Variants in PRKDC observed in about 807,000 individuals in gnomAD.
PRKDC encodes DNA-dependent protein kinase catalytic subunit.
PRKDC carries 82 observed loss-of-function variants against 486.9 expected under a neutral mutation model. That is an observed-to-expected ratio of 0.17 (90% CI 0.14 to 0.20). The LOEUF (loss-of-function observed/expected upper bound fraction) is 0.20. Ranked by LOEUF, PRKDC falls within the 10% of genes least tolerant of loss-of-function variation. PRKDC has a pLI of 1.00. For synonymous variants in PRKDC, 1,895 were observed against 1,837.0 expected (o/e 1.03, Z -0.81); for missense variants, 4,504 against 5,038.2 (o/e 0.89, Z 3.21).
chr8:47,812,065 AT>A (rs1248774884), intron 68 of PRKDC, among the ~76,000 whole-genome samples: 1 of 152,234 alleles, frequency 6.6e-6, no homozygotes, highest in Non-Finnish European at 1.5e-5. Context: ...TTAATGTATA[AT>A]AAAAATAATT....
Position 47,854,158 on chromosome 8 carries a change from C to T in PRKDC, c.6818G>A (p.Gly2273Glu). Residue 2273 changes from glycine (G) to glutamate (E), a missense_variant, in exon 51 of 86, where the codon GGG becomes GAG. Coordinates refer to ENST00000314191, the MANE Select transcript of PRKDC (RefSeq NM_006904.7). Reference sequence around the variant, plus strand: ...CATCACGATGCCTAGCAATTGAATCCCTACTGAGTTGTCTTTAGAATTAGG... The same window carrying T: ...CATCACGATGCCTAGCAATTGAATCTCTACTGAGTTGTCTTTAGAATTAGG... ...KDPNSKDNSVGIQLLGIVMAN... is the reference protein window; with the variant it reads ...KDPNSKDNSVEIQLLGIVMAN... 1 of 1,613,600 alleles carries T rather than the reference C, an allele frequency of 6.2e-7. No homozygotes were observed. Among genetic ancestry groups the T allele is most frequent in the South Asian group, 1.1e-5 (1 of 91,076 alleles).
Position 47,929,310 on chromosome 8 carries a change from C to T in PRKDC, c.2053-132G>A. 9 of 675,852 alleles carry T rather than the reference C, an allele frequency of 1.3e-5. No individual in the cohort carries two copies. The South Asian group carries it at 1.6e-4, about 12-fold the overall frequency. 41.9% of individuals were successfully genotyped at this position (675,852 alleles called of 1,614,324 possible). A position where few individuals can be genotyped will look rare whatever the true frequency, so the allele number is the denominator to read the frequency against. ...ACCAACATCTAATGAAGACAGGAGGCAGAATCAGCTCTGCAGACATTTCAA... is the reference window on the plus strand; with the variant it reads ...ACCAACATCTAATGAAGACAGGAGGTAGAATCAGCTCTGCAGACATTTCAA... On this transcript the variant is annotated intron_variant, in intron 18 of 85. Transcript: ENST00000314191.
chr8:47,931,448 A>C (rs2090250600), intron 16 of PRKDC, among the ~76,000 whole-genome samples: 1 of 152,088 alleles, frequency 6.6e-6, no homozygotes, highest in African/African-American at 2.4e-5. Flanking sequence ...CATGTTCTAA[A>C]ATGCAGGTCT....
At chr8:47,956,466 G>T (rs919802396) in intron 3 of PRKDC, among the ~76,000 whole-genome samples, 2 of 151,660 alleles carry the variant, frequency 1.3e-5, no homozygotes, top group African/African-American at 4.9e-5. Flanking sequence ...AGGCGGAGAC[G>T]GGAAGATCAC....
chr8:47,839,182 T>A lies in PRKDC; in HGVS notation c.7519A>T (p.Ile2507Phe). The change falls in exon 56 of 86, where the codon ATT (isoleucine) becomes TTT (phenylalanine). Residue 2507 changes from isoleucine (I) to phenylalanine (F), a missense_variant. Physicochemically the swap from Ile to Phe is conservative, Grantham distance 21 (BLOSUM62 0). Coordinates refer to ENST00000314191, the MANE Select transcript of PRKDC (RefSeq NM_006904.7). ...EIFKLAKDVL[I>F]QGLIDENPGL... ...GGGTTCTCATCGATCAATCCTTGAA[T>A]CAGCACATCTTTTGCCAACTTAAAT... is the stretch of plus-strand genomic sequence containing the variant. 6.2e-7 allele frequency: 1 copy of A among 1,613,872 alleles called. No homozygotes were observed. Among genetic ancestry groups the A allele is most frequent in the Non-Finnish European group, 8.5e-7 (1 of 1,179,784 alleles).
In PRKDC at chr8:47,902,738, G is replaced by T; in HGVS notation, c.3100C>A (p.Arg1034=). ...TLRDFCGRCI[R]EFLKWSIKQI... is the part of the protein sequence containing the mutation. Reference sequence around the variant, plus strand: ...TTAATGGACCATTTAAGGAATTCTCGAATACACCGACCACAAAAATCTCTT... The same window carrying T: ...TTAATGGACCATTTAAGGAATTCTCTAATACACCGACCACAAAAATCTCTT... Residue 1034 remains arginine, a synonymous_variant, in exon 27 of 86, where the codon CGA becomes AGA. Transcript: ENST00000314191. 6.2e-7 allele frequency: 1 copy of T among 1,613,708 alleles called. No individual in the cohort carries two copies. Among genetic ancestry groups the T allele is most frequent in the Admixed American group, 1.7e-5 (1 of 59,966 alleles).
At chr8:47,903,993 C>T (rs964792369) in intron 26 of PRKDC, among the ~76,000 whole-genome samples, 3 of 152,150 alleles carry the variant, frequency 2.0e-5, no homozygotes, top group Admixed American at 1.3e-4. Context: ...ACTCAGAGTA[C>T]ACTGCCAGCA....
At chr8:47,781,557 T>C (rs2086699449) in intron 80 of PRKDC, among the ~76,000 whole-genome samples, 2 of 152,222 alleles carry the variant, frequency 1.3e-5, no homozygotes, top group Non-Finnish European at 2.9e-5. Context: ...ATGTTTCTCA[T>C]GTTGTCCTTG....
chr8:47,925,910 A>G (rs1292347749), intron 21 of PRKDC, among the ~76,000 whole-genome samples: 1 of 152,236 alleles, frequency 6.6e-6, no homozygotes, highest in Admixed American at 6.5e-5. Context: ...CATCAAAAAA[A>G]GTTATTAAAA....
At chr8:47,885,846 C>T (rs563561444) in intron 36 of PRKDC, 98 bp downstream of exon 36, 20 of 1,164,402 alleles carry the variant, frequency 1.7e-5, no homozygotes, top group East Asian at 4.7e-5. Flanking sequence ...CAGCAGAGAT[C>T]GTGCCACTGC....
At chr8:47,931,585 G>A (rs747736794) in intron 16 of PRKDC, among the ~76,000 whole-genome samples, 6 of 151,696 alleles carry the variant, frequency 4.0e-5, no homozygotes, top group East Asian at 1.9e-4. Context: ...CTATCATCCC[G>A]CATGAAAAAC....
intron 85 of PRKDC, among the ~76,000 whole-genome samples, chr8:47,776,374 C>T (rs2086608823): frequency 6.6e-6 from 1 of 152,154 alleles, no homozygotes; most frequent in Non-Finnish European, 1.5e-5. Context: ...TTTCTATTTG[C>T]TTTAGACCTC....
At position 47,912,425 on chromosome 8, in the gene PRKDC, C is replaced by T. The variant is rs372912665; in HGVS notation, c.2919G>A (p.Ala973=). The part of the protein sequence containing the change: ...KRTFPVLLRL[A]CDVDQVTRQL... ...AAGCCCTTACCTGATCAACATCACACGCAAGTCGAAGCAGCACAGGAAACG... is the reference window on the plus strand; with the variant it reads ...AAGCCCTTACCTGATCAACATCACATGCAAGTCGAAGCAGCACAGGAAACG... The change falls in exon 25 of 86, where the codon GCG becomes GCA. Residue 973 remains alanine, a synonymous_variant. Coordinates refer to ENST00000314191, the MANE Select transcript of PRKDC (RefSeq NM_006904.7). The T allele has an allele frequency of 7.1e-5, 113 of 1,590,842 alleles. No individual in the cohort carries two copies. The highest frequency in any genetic ancestry group is 5.0e-4 in the East Asian group (22 of 44,268).
chr8:47,836,715 A>T (rs2088033079), intron 57 of PRKDC, among the ~76,000 whole-genome samples, 188 bp from the exon 58 acceptor site: 1 of 152,238 alleles, frequency 6.6e-6, no homozygotes, highest in African/African-American at 2.4e-5. Context: ...AACTAGAAAA[A>T]CTAGTTAACT....
At position 47,827,118 on chromosome 8, in the gene PRKDC, T is replaced by TCACACA. The variant is rs61385951; in HGVS notation, c.8578-263_8578-258dup. Among the ~76,000 whole-genome samples the TCACACA allele has an allele frequency of 3.6e-3, 464 of 128,232 alleles. 5 individuals carry two copies. The highest frequency in any genetic ancestry group is 4.9e-3 in the Non-Finnish European group (289 of 59,478). 84.1% of individuals were successfully genotyped at this position (128,232 alleles called of 152,430 possible). A position where few individuals can be genotyped will look rare whatever the true frequency, so the allele number is the denominator to read the frequency against. On this transcript the variant is annotated intron_variant, in intron 62 of 85. Transcript: ENST00000314191. Reference sequence around the variant, plus strand: ...AAAAGCACCTATCAAAATATGAAGATCACACACACACACACACACACACAC... The same window carrying TCACACA: ...AAAAGCACCTATCAAAATATGAAGATCACACACACACACACACACACACACACACAC...
At chr8:47,821,570 A>G (rs984819106) in intron 65 of PRKDC, 34 bp downstream of exon 65, 57 of 1,544,252 alleles carry the variant, frequency 3.7e-5, no homozygotes, top group Non-Finnish European at 4.8e-5. Flanking sequence ...TATCTAAAAT[A>G]ATTATTTCAA....
chr8:47,881,017 A>AT (rs2089202341), intron 38 of PRKDC, among the ~76,000 whole-genome samples: 1 of 151,334 alleles, frequency 6.6e-6, no homozygotes, highest in South Asian at 2.1e-4. Context: ...ACTGTACTTC[A>AT]GCCTGGGTGA....
intron 27 of PRKDC, among the ~76,000 whole-genome samples, chr8:47,901,081 G>C (rs1430371243): frequency 6.6e-6 from 1 of 151,022 alleles, no homozygotes; most frequent in South Asian, 2.1e-4. Context: ...TTGAGCTCAG[G>C]AGGTTGAGGT....
At chr8:47,823,727 T>C in intron 64 of PRKDC, 131 bp downstream of exon 64, 2 of 1,072,854 alleles carry the variant, frequency 1.9e-6, no homozygotes, top group South Asian at 3.2e-5. Context: ...ATTTTCTTCC[T>C]CATCAACATT....
Sources: gnomAD v4.1 joint callset for allele counts (sites outside exome capture counted in the v4.1 genomes callset) on GRCh38, gnomAD v4.1.1 for gene constraint, MANE v1.5 for transcripts, NCBI Gene and HGNC (gene_info 2026-07-23, HGNC 2026-07-21) for gene names.